Variants in EPS8 observed in about 807,000 individuals in gnomAD.
The protein encoded by EPS8 is EGFR pathway substrate 8, signaling adaptor.
In EPS8, 42 loss-of-function variants were observed where a neutral mutation model predicts 103.8. The observed-to-expected ratio is 0.40, with a 90% CI of 0.32 to 0.52. EPS8 has a LOEUF of 0.52. EPS8 is among the 20% of genes least tolerant of loss of function. EPS8 has a pLI of 0.40. For missense variants in EPS8, 969 were observed against 1,005.1 expected, an observed-to-expected ratio of 0.96 and a Z score of 0.49; for synonymous variants, 344 against 344.6, an observed-to-expected ratio of 1.00 and a Z score of 0.02.
Position 15,640,743 on chromosome 12 carries a change from C to G in EPS8, c.1781G>C (p.Gly594Ala), listed in dbSNP as rs542045339. Residue 594 changes from glycine (G) to alanine (A), a missense_variant, in exon 17 of 21, where the codon GGA becomes GCA. Coordinates refer to ENST00000281172, the MANE Select transcript of EPS8 (RefSeq NM_004447.6). ...ATAAGGTGGATCAGCACGCCCCAAT[C>G]CAGATTCTGGAGGTCTCACAATATC... ...ILDIVRPPES[G>A]LGRADPPYTH... 1 of 1,614,032 alleles carries G rather than the reference C, an allele frequency of 6.2e-7. No homozygotes were observed. The highest frequency in any genetic ancestry group is 1.3e-5 in the African/African-American group (1 of 75,036).
Position 15,785,021 on chromosome 12 carries a change from T to C in EPS8, c.-22+4140A>G, listed in dbSNP as rs1356170746. The stretch of plus-strand genomic sequence containing the variant: ...GTGTTGAAATTATTCGGTATGATAC[T>C]ATGATCCTATAAGGATAGCTACATC... On this transcript the variant is annotated intron_variant, in intron 1 of 20. Coordinates refer to ENST00000281172, the MANE Select transcript of EPS8 (RefSeq NM_004447.6). This position sits in a 1 kb window ranked among gnomAD's most constrained non-coding sequence, Gnocchi z 4.9. Among the ~76,000 whole-genome samples the C allele has an allele frequency of 1.3e-5, 2 of 152,118 alleles. No individual in the cohort carries two copies. The highest frequency in any genetic ancestry group is 2.9e-5 in the Non-Finnish European group (2 of 67,956).
chr12:15,709,566 A>G (rs1946433843), intron 1 of EPS8, among the ~76,000 whole-genome samples: 1 of 152,264 alleles, frequency 6.6e-6, no homozygotes, highest in African/African-American at 2.4e-5. Context: ...CTCTACTGAC[A>G]ATTTTTAGCC....
intron 16 of EPS8, 45 bp downstream of exon 16, chr12:15,641,677 T>C (rs768688584): frequency 1.1e-6 from 1 of 927,520 alleles, no homozygotes; most frequent in South Asian, 1.6e-5. Flanking sequence ...AGTAATACAA[T>C]AAAACTACTT....
In EPS8 at chr12:15,770,597, A is replaced by T. The variant is rs569425169; in HGVS notation, c.-22+18564T>A. 4.5e-4 allele frequency among the ~76,000 whole-genome samples: 69 copies of T among 152,272 alleles called. 1 individual carries two copies. The highest frequency in any genetic ancestry group is 1.0e-3 in the South Asian group (5 of 4,826). On this transcript the variant is annotated intron_variant, in intron 1 of 20. Transcript: ENST00000281172. ...TAAGAGCTCAGTTTTTTGTGGAAAA[A>T]GTTATAATACTTTAAAACAATGGTT... is the stretch of plus-strand genomic sequence containing the variant.
At position 15,725,615 on chromosome 12, in the gene EPS8, C is replaced by T. The variant is rs1180492714; in HGVS notation, c.-21-42643G>A. On this transcript the variant is annotated intron_variant, in intron 1 of 20. Transcript: ENST00000281172. This position sits in a 1 kb window ranked among gnomAD's most constrained non-coding sequence, Gnocchi z 4.5. The stretch of plus-strand genomic sequence containing the variant: ...ATACGGTGACACAATGGGTCTTCAT[C>T]ATATGGTGATTCACTCACCACCACA... Among the ~76,000 whole-genome samples, 1 of 152,104 alleles carries T rather than the reference C, an allele frequency of 6.6e-6. No homozygotes were observed. The highest frequency in any genetic ancestry group is 1.5e-5 in the Non-Finnish European group (1 of 68,020).
At chr12:15,650,688 A>C (rs1356158062) in intron 14 of EPS8, 135 bp downstream of exon 14, 1 of 746,848 alleles carries the variant, frequency 1.3e-6, no homozygotes, top group Non-Finnish European at 2.1e-6. Flanking sequence ...GAGGTAATTC[A>C]GGACAGGGTA....
At chr12:15,708,423 C>T (rs1042240709) in intron 1 of EPS8, among the ~76,000 whole-genome samples, 4 of 152,128 alleles carry the variant, frequency 2.6e-5, no homozygotes, top group African/African-American at 7.2e-5. Flanking sequence ...TTCCAGGCAG[C>T]CACAAGCCTT....
Position 15,688,788 on chromosome 12 carries a change from C to G in EPS8, c.-21-5816G>C, listed in dbSNP as rs1341637497. Among the ~76,000 whole-genome samples the G allele has an allele frequency of 6.6e-6, 1 of 152,160 alleles. No individual in the cohort carries two copies. Among genetic ancestry groups the G allele is most frequent in the Non-Finnish European group, 1.5e-5 (1 of 68,030 alleles). On this transcript the variant is annotated intron_variant, in intron 1 of 20. Transcript: ENST00000281172. The surrounding 1 kb of genome is among the most constrained non-coding windows in gnomAD (Gnocchi z 5.1). The stretch of plus-strand genomic sequence containing the variant: ...CTTCCCATACGCCAAGGCAATAACC[C>G]CAGGATACAGAAAACCCCCTGTCCT...
intron 17 of EPS8, among the ~76,000 whole-genome samples, chr12:15,635,585 T>C (rs971401825): frequency 1.3e-5 from 2 of 152,146 alleles, no homozygotes; most frequent in African/African-American, 2.4e-5. Context: ...TAGGCTGAAA[T>C]TAGTAGTGTT....
At chr12:15,712,941 C>A in intron 1 of EPS8, 1 of 984,928 alleles carries the variant, frequency 1.0e-6, no homozygotes, top group South Asian at 4.7e-5. Flanking sequence ...GCCAAGTGAC[C>A]TTTGGCACAA....
At chr12:15,654,992 A>C (rs1431000716) in intron 12 of EPS8, among the ~76,000 whole-genome samples, 1 of 152,180 alleles carries the variant, frequency 6.6e-6, no homozygotes, top group Non-Finnish European at 1.5e-5. Flanking sequence ...TTCTGGCTAA[A>C]AAAAAAATGG....
At position 15,621,178 on chromosome 12, in the gene EPS8, C is replaced by T. The variant is rs1002181397; in HGVS notation, c.*139G>A. On this transcript the variant is annotated 3_prime_UTR_variant, in exon 21 of 21. Coordinates refer to ENST00000281172, the MANE Select transcript of EPS8 (RefSeq NM_004447.6). ...GGCCTAGAAGCAAATCCTGTGCTCA[C>T]TCAGGTTTGCATGGGTTTTTTTTTA... 6.8e-6 allele frequency: 3 copies of T among 441,678 alleles called. No individual in the cohort carries two copies. The highest frequency in any genetic ancestry group is 6.5e-5 in the African/African-American group (2 of 30,536). The allele number at this position is 441,678 out of a possible 1,614,324, so 27.4% of individuals were successfully genotyped here.
chr12:15,718,812 G>A (rs1046896267), intron 1 of EPS8, among the ~76,000 whole-genome samples: 2 of 81,804 alleles, frequency 2.4e-5, no homozygotes, highest in Non-Finnish European at 3.2e-5. Context: ...TAAACAAAAC[G>A]ACAGGACTAC....
intron 12 of EPS8, 89 bp downstream of exon 12, chr12:15,657,990 G>A (rs1034877513): frequency 6.4e-6 from 5 of 779,582 alleles, no homozygotes; most frequent in African/African-American, 5.2e-5. Context: ...GCAAGGTAAT[G>A]AAGAAAAGCA....
rs143508865 is a variant in EPS8 at position 15,659,715 on chromosome 12, A to G, written c.937+899T>C. On this transcript the variant is annotated intron_variant, in intron 10 of 20. Coordinates refer to ENST00000281172, the MANE Select transcript of EPS8 (RefSeq NM_004447.6). ...AAGGGATATTTATTTACTATTTTAT[A>G]TCTTTCAATCTCTACCATTTTGTCA... Among the ~76,000 whole-genome samples, 437 of 152,296 alleles carry G rather than the reference A, an allele frequency of 2.9e-3. 1 individual carries two copies. Among genetic ancestry groups the G allele is most frequent in the Admixed American group, 5.2e-3 (79 of 15,298 alleles).
chr12:15,640,564 C>T (rs776484802), intron 17 of EPS8, 139 bp downstream of exon 17: 5 of 619,468 alleles, frequency 8.1e-6, no homozygotes, highest in African/African-American at 1.9e-5. Context: ...ATTGCCACTC[C>T]CCCACCAATT....
chr12:15,788,415 G>T (rs552190614), intron 1 of EPS8, among the ~76,000 whole-genome samples: 1 of 152,288 alleles, frequency 6.6e-6, no homozygotes, highest in Admixed American at 6.5e-5. Context: ...GGAGGAGGAG[G>T]ATTTGAGAAA....
At chr12:15,699,200 T>A (rs145406104) in intron 1 of EPS8, among the ~76,000 whole-genome samples, 1 of 152,370 alleles carries the variant, frequency 6.6e-6, no homozygotes, top group East Asian at 1.9e-4. Flanking sequence ...ACCTTTGAGT[T>A]GCTTTTTCAC....
At chr12:15,685,554 C>T (rs1208053142) in intron 1 of EPS8, among the ~76,000 whole-genome samples, 1 of 152,082 alleles carries the variant, frequency 6.6e-6, no homozygotes, top group Non-Finnish European at 1.5e-5. Context: ...TGCATGGTCT[C>T]TCTTTTGTTT....
Sources: gnomAD v4.1 joint callset for allele counts (sites outside exome capture counted in the v4.1 genomes callset) on GRCh38, gnomAD v4.1.1 for gene constraint, Gnocchi (gnomAD v3.1) non-coding constraint, MANE v1.5 for transcripts, NCBI Gene and HGNC (gene_info 2026-07-23, HGNC 2026-07-21) for gene names.